The following CDH12 variants were observed in gnomAD, a reference collection of about 807,000 sequenced individuals.
CDH12 encodes cadherin-12.
CDH12 carries 41 observed loss-of-function variants against 74.1 expected under a neutral mutation model. That is an observed-to-expected ratio of 0.55 (90% CI 0.43 to 0.72). CDH12 has a LOEUF of 0.72. Ranked by LOEUF, CDH12 falls within the 30% of genes least tolerant of loss-of-function variation. CDH12 has a pLI of 0.00. For synonymous variants in CDH12, 399 were observed against 355.0 expected (o/e 1.12, Z -1.39); for missense variants, 945 against 977.2 (o/e 0.97, Z 0.44).
chr5:22,802,476 T>C (rs1275858390), intron 1 of CDH12, among the ~76,000 whole-genome samples: 1 of 152,140 alleles, frequency 6.6e-6, no homozygotes, highest in African/African-American at 2.4e-5. Flanking sequence ...TGCTTTATAG[T>C]AATAAATAAT....
chr5:22,058,460 G>A (rs999913082), intron 5 of CDH12, among the ~76,000 whole-genome samples: 20 of 151,936 alleles, frequency 1.3e-4, no homozygotes, highest in African/African-American at 4.8e-4. Context: ...GTCCCCAGCA[G>A]TAATTCCTTG....
At chr5:22,135,209 CAAA>C (rs5866550) in intron 4 of CDH12, among the ~76,000 whole-genome samples, 4 of 119,400 alleles carry the variant, frequency 3.4e-5, no homozygotes, top group Non-Finnish European at 5.3e-5. Context: ...AACACATAAG[CAAA>C]AAAAAAAAAA....
chr5:22,499,846 T>C (rs1317221848), intron 2 of CDH12, among the ~76,000 whole-genome samples: 1 of 152,114 alleles, frequency 6.6e-6, no homozygotes, highest in African/African-American at 2.4e-5. Context: ...ATGCCAAATA[T>C]ATATAAAAAA....
intron 1 of CDH12, among the ~76,000 whole-genome samples, chr5:22,658,991 A>C (rs1243287174): frequency 6.6e-6 from 1 of 152,170 alleles, no homozygotes; most frequent in Non-Finnish European, 1.5e-5. Context: ...AATTGCAGTA[A>C]CAAGTAAATT....
At chr5:22,051,871 T>C (rs1369665615) in intron 5 of CDH12, among the ~76,000 whole-genome samples, 1 of 152,102 alleles carries the variant, frequency 6.6e-6, no homozygotes, top group Non-Finnish European at 1.5e-5. Flanking sequence ...AAAAGAGAGA[T>C]GTTTCGGGGG....
At chr5:22,604,018 C>A (rs1207003379) in intron 1 of CDH12, among the ~76,000 whole-genome samples, 18 of 152,108 alleles carry the variant, frequency 1.2e-4, no homozygotes, top group Admixed American at 6.5e-5. Context: ...GAATCTAGTT[C>A]ACAGGTGGAG....
chr5:22,601,538 C>G (rs1047068217), intron 1 of CDH12, among the ~76,000 whole-genome samples: 2 of 152,042 alleles, frequency 1.3e-5, no homozygotes, highest in African/African-American at 4.8e-5. Context: ...AGGGGTTGAA[C>G]TAATCACACA....
intron 10 of CDH12, among the ~76,000 whole-genome samples, chr5:21,788,031 T>C (rs1038475779): frequency 6.6e-6 from 1 of 152,178 alleles, no homozygotes; most frequent in African/African-American, 2.4e-5. Flanking sequence ...TTTTTCAATT[T>C]ATTAAGTATT....
chr5:22,231,177 T>A (rs1269651314), intron 3 of CDH12, among the ~76,000 whole-genome samples: 1 of 152,182 alleles, frequency 6.6e-6, no homozygotes, highest in Non-Finnish European at 1.5e-5. Flanking sequence ...TATATCAGTA[T>A]GCAACAGAGT....
At chr5:22,217,209 A>T (rs1265919564) in intron 3 of CDH12, among the ~76,000 whole-genome samples, 2 of 151,830 alleles carry the variant, frequency 1.3e-5, no homozygotes, top group African/African-American at 4.8e-5. Flanking sequence ...TAAGGTCAGG[A>T]ATATTCTTTA....
At chr5:22,693,659 C>T (rs554988953) in intron 1 of CDH12, among the ~76,000 whole-genome samples, 1 of 151,948 alleles carries the variant, frequency 6.6e-6, no homozygotes, top group South Asian at 2.1e-4. Flanking sequence ...ATATACATTT[C>T]TATGTATATG....
At chr5:22,205,312 T>C (rs1445646173) in intron 4 of CDH12, among the ~76,000 whole-genome samples, 1 of 152,112 alleles carries the variant, frequency 6.6e-6, no homozygotes, top group Non-Finnish European at 1.5e-5. Context: ...AAAGCCTGCC[T>C]TCATAGAGCT....
chr5:22,056,240 T>C (rs1197556562), intron 5 of CDH12, among the ~76,000 whole-genome samples: 1 of 152,170 alleles, frequency 6.6e-6, no homozygotes, highest in African/African-American at 2.4e-5. Context: ...ATGGTCCTGA[T>C]TTGTTTGTTA....
chr5:21,798,049 AT>A (rs1390377696), intron 10 of CDH12, among the ~76,000 whole-genome samples: 5 of 151,672 alleles, frequency 3.3e-5, no homozygotes, highest in South Asian at 4.2e-4. Context: ...GCAACCTTCA[AT>A]TTTTTTTCAA....
At chr5:22,278,113 T>C (rs1438435917) in intron 3 of CDH12, 1 of 152,182 alleles carries the variant, frequency 6.6e-6, no homozygotes, top group Non-Finnish European at 1.5e-5. Context: ...TGGGAAATGA[T>C]GAAACACTAC....
At chr5:22,534,982 T>G (rs1737765487) in intron 1 of CDH12, among the ~76,000 whole-genome samples, 1 of 148,436 alleles carries the variant, frequency 6.7e-6, no homozygotes, top group Non-Finnish European at 1.5e-5. Flanking sequence ...TTGCATTTTT[T>G]TTTTTTTTGA....
Position 22,286,893 on chromosome 5 carries a change from T to G in CDH12, c.-332-74250A>C, listed in dbSNP as rs533275422. Among the ~76,000 whole-genome samples, 10 of 152,234 alleles carry G rather than the reference T, an allele frequency of 6.6e-5. No individual in the cohort carries two copies. In the East Asian group the frequency reaches 1.7e-3, roughly 26 times the overall value. Reference sequence around the variant, plus strand: ...GACATTTATGAAGTAATGCAGTTTGTACTGGATGCTTTGCCTTCCTGTCTC... The same window carrying G: ...GACATTTATGAAGTAATGCAGTTTGGACTGGATGCTTTGCCTTCCTGTCTC... On this transcript the variant is annotated intron_variant, in intron 3 of 14. Coordinates refer to ENST00000382254, the MANE Select transcript of CDH12 (RefSeq NM_004061.5).
chr5:21,966,116 T>C (rs1364282946), intron 6 of CDH12, among the ~76,000 whole-genome samples: 1 of 151,722 alleles, frequency 6.6e-6, no homozygotes, highest in Non-Finnish European at 1.5e-5. Flanking sequence ...ACTTTTACCC[T>C]TCATTTTACC....
chr5:22,543,488 A>G (rs552065392), intron 1 of CDH12, among the ~76,000 whole-genome samples: 1 of 152,302 alleles, frequency 6.6e-6, no homozygotes, highest in Admixed American at 6.5e-5. Context: ...TAATAATTAA[A>G]CTATGATCTC....
Sources: allele counts gnomAD v4.1 joint callset (sites outside exome capture counted in the v4.1 genomes callset), GRCh38; gene constraint gnomAD v4.1.1; transcripts MANE v1.5; gene names NCBI Gene and HGNC (gene_info 2026-07-23, HGNC 2026-07-21).